Variants in KIAA0825 observed in about 807,000 individuals in gnomAD.
KIAA0825 encodes KIAA0825.
In KIAA0825, 119 loss-of-function variants were observed where a neutral mutation model predicts 147.6. The observed-to-expected ratio is 0.81, with a 90% confidence interval of 0.69 to 0.94. The LOEUF (loss-of-function observed/expected upper bound fraction) is 0.94. Among genes scored for constraint, KIAA0825 ranks in the 40% least tolerant of loss-of-function variants. The pLI, the probability that KIAA0825 is intolerant of heterozygous loss-of-function variation, is 0.00. For missense variants in KIAA0825, 1,381 were observed against 1,472.7 expected (o/e 0.94, Z 1.02); for synonymous variants, 470 against 518.1 (o/e 0.91, Z 1.26).
chr5:94,432,098 T>C (rs1755748904), intron 14 of KIAA0825, among the ~76,000 whole-genome samples: 1 of 152,242 alleles, frequency 6.6e-6, no homozygotes, highest in Non-Finnish European at 1.5e-5. Flanking sequence ...CTTAAGTAAA[T>C]TGTCTTTTTA....
At chr5:94,557,691 G>A (rs560070224) in intron 2 of KIAA0825, among the ~76,000 whole-genome samples, 5 of 152,262 alleles carry the variant, frequency 3.3e-5, no homozygotes, top group South Asian at 2.1e-4. Context: ...AGGAGGTAAA[G>A]AAATAGCCAA....
At chr5:94,269,723 A>C (rs1423096236) in intron 20 of KIAA0825, among the ~76,000 whole-genome samples, 1 of 152,124 alleles carries the variant, frequency 6.6e-6, no homozygotes, top group Non-Finnish European at 1.5e-5. Flanking sequence ...GAAAAACTTC[A>C]AATAAATAAC....
At chr5:94,420,858 G>C (rs997455018) in intron 14 of KIAA0825, among the ~76,000 whole-genome samples, 3 of 152,146 alleles carry the variant, frequency 2.0e-5, no homozygotes, top group Admixed American at 2.0e-4. Flanking sequence ...AGTATTTTGT[G>C]ATAGGTTTTG....
At position 94,218,375 on chromosome 5, in the gene KIAA0825, T is replaced by C. The variant is rs527397262; in HGVS notation, c.3711-64251A>G. ...TTCTAACCATTTTGTTTTTGGAAAG[T>C]CTTGACTGACTTCACAGGCTGGGTT... On this transcript the variant is annotated intron_variant, in intron 20 of 20. Transcript: ENST00000682413. 3.3e-5 allele frequency among the ~76,000 whole-genome samples: 5 copies of C among 152,340 alleles called. No homozygotes were observed. The East Asian group carries it at 9.6e-4, about 29-fold the overall frequency.
At chr5:94,527,869 GATGTATAC>G (rs1300614534) in intron 3 of KIAA0825, among the ~76,000 whole-genome samples, 1 of 151,870 alleles carries the variant, frequency 6.6e-6, no homozygotes, top group African/African-American at 2.4e-5. Flanking sequence ...GAAGAGGGCT[GATGTATAC>G]AAACTAGTAT....
chr5:94,420,932 A>ATT (rs11461947), intron 14 of KIAA0825, among the ~76,000 whole-genome samples: 1 of 151,712 alleles, frequency 6.6e-6, no homozygotes, highest in Non-Finnish European at 1.5e-5. Context: ...AAGTTCAAAG[A>ATT]TTTTTTTCTC....
At chr5:94,248,016 A>C (rs1164480514) in intron 20 of KIAA0825, among the ~76,000 whole-genome samples, 1 of 152,136 alleles carries the variant, frequency 6.6e-6, no homozygotes. Flanking sequence ...CTACTAACTC[A>C]AAAAATGTAT....
chr5:94,321,898 C>A (rs1478994301), intron 20 of KIAA0825, among the ~76,000 whole-genome samples: 3 of 151,856 alleles, frequency 2.0e-5, no homozygotes, highest in Admixed American at 6.6e-5. Flanking sequence ...AATTAAATTA[C>A]AAATTATTGT....
chr5:94,304,972 T>C, intron 20 of KIAA0825, among the ~76,000 whole-genome samples: 1 of 152,014 alleles, frequency 6.6e-6, no homozygotes, highest in East Asian at 1.9e-4. Context: ...AAATTACCTG[T>C]TAACACCTTA....
chr5:94,349,329 C>T (rs1562402949), intron 20 of KIAA0825, among the ~76,000 whole-genome samples: 1 of 152,138 alleles, frequency 6.6e-6, no homozygotes, highest in African/African-American at 2.4e-5. Context: ...ATGAGATAGA[C>T]AGCAACACAA....
Position 94,305,547 on chromosome 5 carries a change from A to G in KIAA0825, c.3710+78821T>C, listed in dbSNP as rs1034770506. On this transcript the variant is annotated intron_variant, in intron 20 of 20. Transcript: ENST00000682413. ...TCATTAGCTGTGCCACTTCTGATAC[A>G]TTACGTCAATTGACAATGAAACACT... Among the ~76,000 whole-genome samples the G allele has an allele frequency of 5.3e-5, 8 of 152,132 alleles. 1 individual carries two copies. The highest frequency in any genetic ancestry group is 4.8e-5 in the African/African-American group (2 of 41,546).
intron 5 of KIAA0825, among the ~76,000 whole-genome samples, chr5:94,510,183 A>G (rs1766288150): frequency 6.6e-6 from 1 of 152,188 alleles, no homozygotes; most frequent in South Asian, 2.1e-4. Flanking sequence ...CTTAATTTCT[A>G]CCTTGAAGGA....
rs918275324 is a variant in KIAA0825, at chr5:94,396,485, G to C, written c.2912C>G (p.Ala971Gly). ...TAACTTGCTGATTACAATAGATACT[G>C]CCTGAGCAGTAAGCCTTGTGAAGCC... Reference protein sequence around the residue: ...CKSFTRLTAQAVSIVISKLPT... With the variant: ...CKSFTRLTAQGVSIVISKLPT... Residue 971 changes from alanine (A) to glycine (G), a missense_variant, in exon 17 of 21, where the codon GCA becomes GGA. Coordinates refer to ENST00000682413, the MANE Select transcript of KIAA0825 (RefSeq NM_001145678.3). The C allele has an allele frequency of 6.7e-7, 1 of 1,501,476 alleles. No individual in the cohort carries two copies. 93.0% of individuals were successfully genotyped at this position (1,501,476 alleles called of 1,614,324 possible).
chr5:94,569,787 A>C, intron 2 of KIAA0825: 1 of 221,218 alleles, frequency 4.5e-6, no homozygotes, highest in Admixed American at 5.8e-5. Context: ...CGCTACCTCC[A>C]CGCTAACGGT....
intron 12 of KIAA0825, among the ~76,000 whole-genome samples, chr5:94,454,324 T>C (rs894825292): frequency 1.3e-5 from 2 of 152,210 alleles, no homozygotes; most frequent in Admixed American, 6.5e-5. Context: ...ATTTCCATTT[T>C]GAAAATCCAC....
intron 20 of KIAA0825, among the ~76,000 whole-genome samples, chr5:94,355,655 C>T (rs888674584): frequency 6.6e-6 from 1 of 152,132 alleles, no homozygotes; most frequent in Non-Finnish European, 1.5e-5. Context: ...ATACTAGGGT[C>T]ATACATGTAG....
intron 17 of KIAA0825, among the ~76,000 whole-genome samples, chr5:94,394,945 G>A (rs1750438214): frequency 6.6e-6 from 1 of 151,912 alleles, no homozygotes; most frequent in Non-Finnish European, 1.5e-5. Flanking sequence ...TTCCCCATTT[G>A]GATTAATATG....
At chr5:94,341,721 C>T (rs1204367636) in intron 20 of KIAA0825, among the ~76,000 whole-genome samples, 3 of 151,772 alleles carry the variant, frequency 2.0e-5, no homozygotes, top group Non-Finnish European at 2.9e-5. Context: ...ATTGCTTTTT[C>T]AATCTAGTGA....
At chr5:94,268,074 GA>G (rs1001463417) in intron 20 of KIAA0825, among the ~76,000 whole-genome samples, 19 of 147,972 alleles carry the variant, frequency 1.3e-4, no homozygotes, top group African/African-American at 3.0e-4. Context: ...GTGTTGGACT[GA>G]AAAAAAAACA....
Sources: gnomAD v4.1 joint callset for allele counts (sites outside exome capture counted in the v4.1 genomes callset) on GRCh38, gnomAD v4.1.1 for gene constraint, MANE v1.5 for transcripts, NCBI Gene and HGNC (gene_info 2026-07-23, HGNC 2026-07-21) for gene names.